CACNB4: variants seen among roughly 807,000 people sequenced by gnomAD.
CACNB4 encodes voltage-dependent L-type calcium channel subunit beta-4.
In CACNB4, 32 loss-of-function variants were observed where a neutral mutation model predicts 71.2. The observed-to-expected ratio is 0.45, with a 90% confidence interval of 0.34 to 0.60. The LOEUF is 0.60. Among genes scored for constraint, CACNB4 ranks in the 20% least tolerant of loss-of-function variants. CACNB4 has a pLI of 0.01. For synonymous variants in CACNB4, 231 were observed against 236.9 expected (o/e 0.97, Z 0.23); for missense variants, 464 against 647.9 (o/e 0.72, Z 3.08).
chr2:152,005,554 T>C (rs908366570), intron 2 of CACNB4, among the ~76,000 whole-genome samples: 29 of 152,256 alleles, frequency 1.9e-4, no homozygotes, highest in Middle Eastern at 3.4e-3. Flanking sequence ...AAACTTCCTA[T>C]TGGGTACTAT....
chr2:151,837,684 C>T lies in CACNB4; in HGVS notation c.*1435G>A, dbSNP rs948465611. On this transcript the variant is annotated 3_prime_UTR_variant, in exon 14 of 14. Transcript: ENST00000539935. Reference sequence around the variant, plus strand: ...AATAATTTCTTAGATCAGAGTGAATCTAAGGCTTCCTTGATAATATAAAAC... The same window carrying T: ...AATAATTTCTTAGATCAGAGTGAATTTAAGGCTTCCTTGATAATATAAAAC... The T allele has an allele frequency of 3.2e-4, 49 of 151,784 alleles. No individual in the cohort carries two copies. Among genetic ancestry groups the T allele is most frequent in the African/African-American group, 1.1e-3 (47 of 41,440 alleles). 9.4% of individuals were successfully genotyped at this position (151,784 alleles called of 1,614,324 possible). A position where few individuals can be genotyped will look rare whatever the true frequency, so the allele number is the denominator to read the frequency against.
intron 3 of CACNB4, chr2:151,882,959 G>T (rs2099848345): frequency 5.0e-6 from 2 of 403,662 alleles, no homozygotes; most frequent in African/African-American, 4.1e-5. Flanking sequence ...GCTGGTGCCT[G>T]GGGGGCTGTC....
At position 151,958,925 on chromosome 2, in the gene CACNB4, C is replaced by T. The variant is rs569481355; in HGVS notation, c.148-75555G>A. ...GTATGTGATCACAGAAAAAGGGCTC[C>T]TTTCAAATGGGAGGCTAGGTATTTT... On this transcript the variant is annotated intron_variant, in intron 2 of 13. Transcript: ENST00000539935. Among the ~76,000 whole-genome samples, 6 of 152,270 alleles carry T rather than the reference C, an allele frequency of 3.9e-5. No individual in the cohort carries two copies. In the East Asian group the frequency reaches 1.2e-3, roughly 29 times the overall value.
intron 2 of CACNB4, among the ~76,000 whole-genome samples, chr2:152,050,519 T>C (rs1685369457): frequency 2.0e-5 from 3 of 152,136 alleles, no homozygotes; most frequent in Admixed American, 1.3e-4. Context: ...TGCTCACTGC[T>C]TTTTTAACAA....
chr2:151,846,444 G>GT (rs1271460873), intron 12 of CACNB4, among the ~76,000 whole-genome samples: 2 of 152,040 alleles, frequency 1.3e-5, no homozygotes, highest in African/African-American at 2.4e-5. Flanking sequence ...CATATTGTCT[G>GT]TTTTTTTAAA....
chr2:151,980,637 TG>T (rs2151748567), intron 2 of CACNB4, among the ~76,000 whole-genome samples: 1 of 152,320 alleles, frequency 6.6e-6, no homozygotes, highest in Admixed American at 6.5e-5. Flanking sequence ...CTTTGCACTT[TG>T]GTTGACAAAA....
In CACNB4 at chr2:152,097,261, A is replaced by G. The variant is rs370457246; in HGVS notation, c.147+1069T>C. Among the ~76,000 whole-genome samples, 5 of 152,162 alleles carry G rather than the reference A, an allele frequency of 3.3e-5. No individual in the cohort carries two copies. In the East Asian group the frequency reaches 7.7e-4, roughly 23 times the overall value. On this transcript the variant is annotated intron_variant, in intron 2 of 13. Coordinates refer to ENST00000539935, the MANE Select transcript of CACNB4 (RefSeq NM_000726.5). ...CAATTTTGATATCAATTCCTCGTTG[A>G]TATGTTTAAATTGATGATAATCACT... is the stretch of plus-strand genomic sequence containing the variant.
chr2:152,082,954 C>A (rs1687442246), intron 2 of CACNB4, among the ~76,000 whole-genome samples: 1 of 152,166 alleles, frequency 6.6e-6, no homozygotes, highest in Non-Finnish European at 1.5e-5. Flanking sequence ...TTTTACCACA[C>A]TTAAAACAAT....
At chr2:152,011,791 T>C (rs1425369686) in intron 2 of CACNB4, among the ~76,000 whole-genome samples, 3 of 152,178 alleles carry the variant, frequency 2.0e-5, no homozygotes, top group African/African-American at 4.8e-5. Context: ...CATAATGATG[T>C]TTCAACATTT....
At chr2:151,985,841 C>T (rs557375506) in intron 2 of CACNB4, among the ~76,000 whole-genome samples, 2 of 152,118 alleles carry the variant, frequency 1.3e-5, no homozygotes, top group Non-Finnish European at 2.9e-5. Flanking sequence ...AGTCTTATGA[C>T]ATTGGCACCT....
intron 4 of CACNB4, among the ~76,000 whole-genome samples, chr2:151,877,160 T>C (rs2099846648): frequency 1.3e-5 from 2 of 150,778 alleles, no homozygotes; most frequent in South Asian, 2.1e-4. Flanking sequence ...GGTAGATGCA[T>C]AGACTAAAGC....
At chr2:152,057,829 C>A (rs1024839932) in intron 2 of CACNB4, among the ~76,000 whole-genome samples, 2 of 151,928 alleles carry the variant, frequency 1.3e-5, no homozygotes, top group Admixed American at 6.6e-5. Flanking sequence ...GGGAAGGAAA[C>A]TTTTATTTTT....
chr2:151,964,069 GAAAAAAAAAA>G (rs397825547), intron 2 of CACNB4, among the ~76,000 whole-genome samples: 1 of 99,266 alleles, frequency 1.0e-5, no homozygotes, highest in Middle Eastern at 6.7e-3. Flanking sequence ...CTGTCTCACA[GAAAAAAAAAA>G]AAAAAAAAAA....
chr2:151,956,120 T>C (rs1247497025), intron 2 of CACNB4, among the ~76,000 whole-genome samples: 8 of 152,010 alleles, frequency 5.3e-5, no homozygotes, highest in Non-Finnish European at 1.2e-4. Context: ...GCCAGTGGAG[T>C]GGGATTCTAA....
chr2:151,924,786 C>T (rs921723013), intron 2 of CACNB4, among the ~76,000 whole-genome samples: 16 of 152,166 alleles, frequency 1.1e-4, no homozygotes, highest in African/African-American at 3.6e-4. Context: ...GTGTTTATAA[C>T]ACATATGATA....
intron 2 of CACNB4, among the ~76,000 whole-genome samples, chr2:152,061,861 A>T (rs1686032921): frequency 6.6e-6 from 1 of 151,494 alleles, no homozygotes; most frequent in Admixed American, 6.6e-5. Flanking sequence ...AAAATACAAA[A>T]ATTAGCTGGG....
At chr2:151,868,296 T>C (rs1172391438) in intron 9 of CACNB4, 3 of 152,224 alleles carry the variant, frequency 2.0e-5, no homozygotes, top group African/African-American at 7.2e-5. Context: ...ATGTGATGTT[T>C]TTCTTCAATC....
At chr2:151,881,376 T>C (rs2151445206) in intron 3 of CACNB4, among the ~76,000 whole-genome samples, 1 of 152,018 alleles carries the variant, frequency 6.6e-6, no homozygotes, top group South Asian at 2.1e-4. Context: ...ACGTGTGGGA[T>C]TCTATACAAC....
intron 2 of CACNB4, among the ~76,000 whole-genome samples, chr2:152,053,464 C>A (rs1685552268): frequency 6.6e-6 from 1 of 151,708 alleles, no homozygotes; most frequent in East Asian, 1.9e-4. Context: ...TTAAAATATT[C>A]TTTATAATTA....
Sources: allele counts gnomAD v4.1 joint callset (sites outside exome capture counted in the v4.1 genomes callset), GRCh38; gene constraint gnomAD v4.1.1; transcripts MANE v1.5; gene names NCBI Gene and HGNC (gene_info 2026-07-23, HGNC 2026-07-21).